CACNA1E: variants seen among roughly 807,000 people sequenced by gnomAD.
The protein encoded by CACNA1E is calcium voltage-gated channel subunit alpha1 E, also known as voltage-dependent R-type calcium channel subunit alpha-1E.
In CACNA1E, 40 loss-of-function variants were observed where a neutral mutation model predicts 259.2. The ratio of observed to expected loss-of-function variants is 0.15; its 90% CI spans 0.12 to 0.20. The LOEUF (loss-of-function observed/expected upper bound fraction) is 0.20. Among genes scored for constraint, CACNA1E ranks in the 10% least tolerant of loss-of-function variants. The probability of loss-of-function intolerance (pLI) is 1.00; values close to 1 mark genes in which losing one functional copy is unlikely to be tolerated. For missense variants in CACNA1E, 1,874 were observed against 3,040.1 expected (o/e 0.62, Z 9.02); for synonymous variants, 1,104 against 1,138.5 (o/e 0.97, Z 0.61).
intron 1 of CACNA1E, among the ~76,000 whole-genome samples, chr1:181,348,808 G>A (rs780146019): frequency 2.0e-5 from 3 of 152,182 alleles, no homozygotes; most frequent in Non-Finnish European, 4.4e-5. Flanking sequence ...TTACAACTTA[G>A]GAGAGCACTG....
At chr1:181,694,232 A>T (rs184070434) in intron 7 of CACNA1E, among the ~76,000 whole-genome samples, 2 of 152,232 alleles carry the variant, frequency 1.3e-5, no homozygotes, top group East Asian at 3.8e-4. Context: ...AATGTACTAC[A>T]TTAGCAGTAA....
At chr1:181,716,484 T>C (rs1653913302) in intron 10 of CACNA1E, among the ~76,000 whole-genome samples, 1 of 152,170 alleles carries the variant, frequency 6.6e-6, no homozygotes, top group Non-Finnish European at 1.5e-5. Context: ...TGAGGACCTG[T>C]TGCTTCCAGG....
At chr1:181,680,018 C>A (rs2102255373) in intron 7 of CACNA1E, among the ~76,000 whole-genome samples, 1 of 145,708 alleles carries the variant, frequency 6.9e-6, no homozygotes, top group Non-Finnish European at 1.5e-5. Context: ...GAGGCTGAGA[C>A]AGGCAGGTTG....
chr1:181,665,838 C>G (rs989651770), intron 7 of CACNA1E, among the ~76,000 whole-genome samples: 2 of 152,108 alleles, frequency 1.3e-5, no homozygotes, highest in Admixed American at 6.5e-5. Flanking sequence ...CTACTAAGCT[C>G]CGAAGTGTAC....
intron 1 of CACNA1E, among the ~76,000 whole-genome samples, chr1:181,492,773 A>G (rs1664425124): frequency 6.6e-6 from 1 of 152,102 alleles, no homozygotes; most frequent in Non-Finnish European, 1.5e-5. Flanking sequence ...GAGTTATCCA[A>G]CTTTTATGCC....
At position 181,798,213 on chromosome 1, in the gene CACNA1E, C is replaced by T; in HGVS notation, c.6400-79C>T. The T allele has an allele frequency of 1.7e-6, 2 of 1,207,064 alleles. No individual in the cohort carries two copies. Among genetic ancestry groups the T allele is most frequent in the Admixed American group, 4.3e-5 (2 of 46,296 alleles). The allele number at this position is 1,207,064 out of a possible 1,614,324, so 74.8% of individuals were successfully genotyped here. On this transcript the variant is annotated intron_variant, in intron 47 of 47. Transcript: ENST00000367573. This position sits in a 1 kb window ranked among gnomAD's most constrained non-coding sequence, Gnocchi z 4.2. ...CCTCTCCCTGACAGAATTCAGATTCCAAGGACTCTCTTAACAGAGTTGCAA... is the reference window on the plus strand; with the variant it reads ...CCTCTCCCTGACAGAATTCAGATTCTAAGGACTCTCTTAACAGAGTTGCAA...
chr1:181,781,366 C>T (rs925848082), intron 38 of CACNA1E, 61 bp from the exon 39 acceptor site: 17 of 774,398 alleles, frequency 2.2e-5, no homozygotes, highest in Non-Finnish European at 3.4e-5. Context: ...CTTCTCCTTT[C>T]CCTGCCACCC....
chr1:181,563,709 C>T (rs1223007547), intron 3 of CACNA1E, among the ~76,000 whole-genome samples: 1 of 152,150 alleles, frequency 6.6e-6, no homozygotes, highest in Admixed American at 6.5e-5. Flanking sequence ...AAGAAAAAAG[C>T]TTGCACACTC....
chr1:181,349,480 G>A (rs1053758478), intron 1 of CACNA1E, among the ~76,000 whole-genome samples: 13 of 152,352 alleles, frequency 8.5e-5, no homozygotes, highest in African/African-American at 3.1e-4. Context: ...AGTTCAAAGA[G>A]GGGAATGAAG....
chr1:181,449,142 A>G (rs1660988004), intron 2 of CACNA1E, among the ~76,000 whole-genome samples: 1 of 152,150 alleles, frequency 6.6e-6, no homozygotes, highest in African/African-American at 2.4e-5. Context: ...GTGTTAATTG[A>G]TTTATTTTGA....
At chr1:181,767,459 C>A (rs995797753) in intron 35 of CACNA1E, among the ~76,000 whole-genome samples, 19 of 152,204 alleles carry the variant, frequency 1.2e-4, no homozygotes, top group Non-Finnish European at 2.4e-4. Context: ...CATAGAACTT[C>A]GGCTATGTGA....
At chr1:181,680,000 C>T (rs1558258372) in intron 7 of CACNA1E, among the ~76,000 whole-genome samples, 1 of 150,670 alleles carries the variant, frequency 6.6e-6, no homozygotes, top group Non-Finnish European at 1.5e-5. Context: ...ATAGTCCTAG[C>T]TACTCGGGAG....
intron 3 of CACNA1E, among the ~76,000 whole-genome samples, chr1:181,536,722 C>T (rs972870357): frequency 2.6e-5 from 4 of 152,116 alleles, no homozygotes; most frequent in African/African-American, 9.7e-5. Flanking sequence ...AGTGGTGAGA[C>T]CTGCTGCTGG....
intron 6 of CACNA1E, among the ~76,000 whole-genome samples, chr1:181,637,536 C>G (rs1394067366): frequency 6.7e-6 from 1 of 148,544 alleles, no homozygotes; most frequent in African/African-American, 2.5e-5. Flanking sequence ...TTCTGCTTGT[C>G]TCAGATTTAA....
intron 38 of CACNA1E, 55 bp from the exon 39 acceptor site, chr1:181,781,372 C>T: frequency 6.2e-6 from 5 of 801,178 alleles, no homozygotes; most frequent in Non-Finnish European, 1.1e-5. Context: ...CTTTCCCTGC[C>T]ACCCCACTGC....
chr1:181,688,486 G>T (rs1424883290), intron 7 of CACNA1E, among the ~76,000 whole-genome samples: 1 of 152,124 alleles, frequency 6.6e-6, no homozygotes. Flanking sequence ...GCTTAACTCT[G>T]CAAGATAATG....
chr1:181,455,050 A>G (rs1661376450), intron 2 of CACNA1E, among the ~76,000 whole-genome samples: 2 of 152,230 alleles, frequency 1.3e-5, no homozygotes, highest in African/African-American at 4.8e-5. Flanking sequence ...TGATTATTTC[A>G]TAAGGCTACA....
At chr1:181,433,064 G>C (rs1024343007) in intron 2 of CACNA1E, among the ~76,000 whole-genome samples, 1 of 152,204 alleles carries the variant, frequency 6.6e-6, no homozygotes, top group African/African-American at 2.4e-5. Context: ...GCGCTCAGCA[G>C]CTGCACACCT....
chr1:181,637,286 AGT>A (rs1260451147), intron 6 of CACNA1E, among the ~76,000 whole-genome samples: 2 of 152,204 alleles, frequency 1.3e-5, no homozygotes, highest in Non-Finnish European at 2.9e-5. Context: ...GGGGTTATTA[AGT>A]GATCATCCCT....
Sources: gnomAD v4.1 joint callset for allele counts (sites outside exome capture counted in the v4.1 genomes callset) on GRCh38, gnomAD v4.1.1 for gene constraint, Gnocchi (gnomAD v3.1) non-coding constraint, MANE v1.5 for transcripts, NCBI Gene and HGNC (gene_info 2026-07-23, HGNC 2026-07-21) for gene names.